The following ALG13 variants were observed in gnomAD, a reference collection of about 807,000 sequenced individuals.
ALG13 encodes ALG13 UDP-N-acetylglucosaminyltransferase subunit, also known as UDP-N-acetylglucosamine transferase subunit ALG13.
Under a neutral mutation model 87.8 loss-of-function variants are expected in ALG13, and 11 were observed. The observed-to-expected ratio is 0.13, with a 90% confidence interval of 0.08 to 0.21. The LOEUF (loss-of-function observed/expected upper bound fraction) is 0.21. ALG13 is among the 10% of genes least tolerant of loss of function. The probability of loss-of-function intolerance (pLI) is 1.00; values close to 1 mark genes in which losing one functional copy is unlikely to be tolerated. For missense variants in ALG13, 756 were observed against 866.1 expected (o/e 0.87, Z 1.60); for synonymous variants, 320 against 306.3 (o/e 1.04, Z -0.47).
rs748662520 is a variant in ALG13, at chrX:111,752,693, G to A, written c.2933-97G>A. 4 of 580,437 alleles carry A rather than the reference G, an allele frequency of 6.9e-6. No individual in the cohort carries two copies. In the South Asian group the frequency reaches 8.3e-5, roughly 12 times the overall value. 47.8% of individuals were successfully genotyped at this position (580,437 alleles called of 1,213,427 possible). A position where few individuals can be genotyped will look rare whatever the true frequency, so the allele number is the denominator to read the frequency against. On this transcript the variant is annotated intron_variant, in intron 24 of 26. Coordinates refer to ENST00000394780, the MANE Select transcript of ALG13 (RefSeq NM_001099922.3). ...GGCCTCCCAAAGTGCTGGGATTACA[G>A]GCATGAGCCACCGTGCCCAGCCAGA...
At chrX:111,755,889 C>T (rs1223346447) in intron 25 of ALG13, among the ~76,000 whole-genome samples, 3 of 112,352 alleles carry the variant, frequency 2.7e-5, no homozygotes, top group Admixed American at 9.4e-5. Context: ...ATGAGGAATA[C>T]AATTTGATTT....
At chrX:111,718,363 T>C in intron 10 of ALG13, 89 bp downstream of exon 10, 4 of 789,977 alleles carry the variant, frequency 5.1e-6, no homozygotes, top group African/African-American at 2.1e-5. Flanking sequence ...GGCAAGCTTA[T>C]GAGTTAGGTT....
intron 15 of ALG13, among the ~76,000 whole-genome samples, chrX:111,726,232 G>GTTTTTTTTTT (rs1213050998): frequency 3.3e-5 from 2 of 60,192 alleles, no homozygotes; most frequent in African/African-American, 7.2e-5. Flanking sequence ...GGCGTGTTTT[G>GTTTTTTTTTT]TTTTTTTTTT....
At chrX:111,690,299 C>T in intron 3 of ALG13, 1 of 752,646 alleles carries the variant, frequency 1.3e-6, no homozygotes, top group East Asian at 1.5e-4. Flanking sequence ...CTGAAATTTT[C>T]AGGGATAAGG....
In ALG13 at chrX:111,718,099, A is replaced by C; in HGVS notation, c.1088-13A>C. ...TATTTTGACAATTGGAATTTTGACC[A>C]TTTTTTCTTCAGCTGTATTGTACGA... On this transcript the variant is annotated splice_polypyrimidine_tract_variant and intron_variant, in intron 9 of 26. Transcript: ENST00000394780. The C allele has an allele frequency of 8.7e-7, 1 of 1,153,728 alleles. No individual in the cohort carries two copies. Among genetic ancestry groups the C allele is most frequent in the Non-Finnish European group, 1.2e-6 (1 of 864,790 alleles).
At position 111,728,288 on chromosome X, in the gene ALG13, A is replaced by T. The variant is rs1478132547; in HGVS notation, c.2351A>T (p.Asn784Ile). ...CAGACTTTGAATTTAGAGGAGGGCA[A>T]TGGCCAGAGTGAAAATGGTGAGTCA... ...GKQTLNLEEG[N>I]GQSENGRYHE... The change falls in exon 19 of 27, where the codon AAT becomes ATT. Residue 784 changes from asparagine to isoleucine, a missense_variant. Transcript: ENST00000394780. 17 of 1,211,473 alleles carry T rather than the reference A, an allele frequency of 1.4e-5. No individual in the cohort carries two copies. The highest frequency in any genetic ancestry group is 1.8e-5 in the Non-Finnish European group (16 of 895,295).
rs762904477 is a variant in ALG13, at chrX:111,694,042, T to C, written c.383+8939T>C. Among the ~76,000 whole-genome samples the C allele has an allele frequency of 8.3e-5, 9 of 108,561 alleles. No individual in the cohort carries two copies. The East Asian group carries it at 2.5e-3, about 30-fold the overall frequency. 94.3% of individuals were successfully genotyped at this position (108,561 alleles called of 115,157 possible). A position where few individuals can be genotyped will look rare whatever the true frequency, so the allele number is the denominator to read the frequency against. ...CAGTTTTTATTTTTATTTCTATTTT[T>C]ATTTATTTATTTTTTTTTTGAGACA... On this transcript the variant is annotated intron_variant, in intron 3 of 26. Transcript: ENST00000394780.
chrX:111,687,628 ATGAAATATCATTTC>A (rs2147746558), intron 3 of ALG13, among the ~76,000 whole-genome samples: 1 of 112,465 alleles, frequency 8.9e-6, no homozygotes, highest in East Asian at 2.8e-4. Flanking sequence ...GACATTTTTC[ATGAAATATCATTTC>A]TGAAATATAT....
chrX:111,736,515 A>G (rs1428215665), intron 22 of ALG13, among the ~76,000 whole-genome samples, 199 bp from the exon 23 acceptor site: 1 of 111,847 alleles, frequency 8.9e-6, no homozygotes, highest in Non-Finnish European at 1.9e-5. Flanking sequence ...TTAGAAATAA[A>G]TGAATTAAAA....
intron 4 of ALG13, 144 bp downstream of exon 4, chrX:111,708,537 C>T: frequency 1.4e-6 from 1 of 691,434 alleles, no homozygotes; most frequent in Admixed American, 3.1e-5. Flanking sequence ...AGAGAAGCTG[C>T]CTGCTCTTAT....
chrX:111,704,634 A>T (rs993485443), intron 3 of ALG13, among the ~76,000 whole-genome samples: 1 of 111,755 alleles, frequency 8.9e-6, no homozygotes, highest in Admixed American at 9.5e-5. Context: ...GAATATGGAA[A>T]TCTATAGATT....
At chrX:111,701,477 A>T (rs1303719725) in intron 3 of ALG13, among the ~76,000 whole-genome samples, 1 of 111,349 alleles carries the variant, frequency 9.0e-6, no homozygotes, top group South Asian at 3.8e-4. Flanking sequence ...AGACTATCCA[A>T]TTTGTTGGCG....
At chrX:111,727,089 T>C in intron 16 of ALG13, 34 bp downstream of exon 16, 1 of 1,201,655 alleles carries the variant, frequency 8.3e-7, no homozygotes, top group Non-Finnish European at 1.1e-6. Context: ...TTTCATGGTC[T>C]AGGGAAATAT....
In ALG13 at chrX:111,713,270, T is replaced by C. The variant is rs375739139; in HGVS notation, c.978T>C (p.Tyr326=). 41 of 1,194,069 alleles carry C rather than the reference T, an allele frequency of 3.4e-5. No homozygotes were observed. In the East Asian group the frequency reaches 8.9e-4, roughly 26 times the overall value. The part of the protein sequence containing the change: ...LYRFPGKPPT[Y]VTDNGYEDKI... The stretch of plus-strand genomic sequence containing the variant: ...GCTTTCCTGGAAAACCTCCAACTTA[T>C]GTCACAGATAATGGCTATGAAGACA... The change falls in exon 8 of 27, where the codon TAT becomes TAC. Residue 326 remains tyrosine, a synonymous_variant. Coordinates refer to ENST00000394780, the MANE Select transcript of ALG13 (RefSeq NM_001099922.3).
At chrX:111,737,451 A>C (rs1196218747) in intron 23 of ALG13, among the ~76,000 whole-genome samples, 1 of 111,877 alleles carries the variant, frequency 8.9e-6, no homozygotes, top group Admixed American at 9.5e-5. Flanking sequence ...TTAAATTATC[A>C]GCAGACTTCT....
intron 2 of ALG13, among the ~76,000 whole-genome samples, chrX:111,683,272 C>CTGGT (rs1933978389): frequency 9.2e-6 from 1 of 108,563 alleles, no homozygotes; most frequent in African/African-American, 3.4e-5. Context: ...AGATAACAAT[C>CTGGT]TGGTGCTGGA....
chrX:111,695,589 T>A (rs376348594), intron 3 of ALG13, among the ~76,000 whole-genome samples: 1 of 110,046 alleles, frequency 9.1e-6, no homozygotes, highest in South Asian at 3.8e-4. Context: ...AGCAAAGTAA[T>A]ATTTTCCTTT....
At chrX:111,700,611 C>T (rs1937655375) in intron 3 of ALG13, among the ~76,000 whole-genome samples, 1 of 106,952 alleles carries the variant, frequency 9.3e-6, no homozygotes, top group African/African-American at 3.4e-5. Context: ...GAGTCTCACC[C>T]TGTCATCCAG....
chrX:111,726,628 T>C (rs1942080873), intron 15 of ALG13, among the ~76,000 whole-genome samples, 181 bp from the exon 16 acceptor site: 1 of 111,132 alleles, frequency 9.0e-6, no homozygotes, highest in Admixed American at 9.6e-5. Context: ...CTGCTGGTTT[T>C]GTCCTTCCAA....
Sources: allele counts gnomAD v4.1 joint callset (sites outside exome capture counted in the v4.1 genomes callset), GRCh38; gene constraint gnomAD v4.1.1; transcripts MANE v1.5; gene names NCBI Gene and HGNC (gene_info 2026-07-23, HGNC 2026-07-21).